Variants in ENPP2 observed in about 807,000 individuals in gnomAD.
ENPP2 encodes the protein ectonucleotide pyrophosphatase/phosphodiesterase 2.
ENPP2 carries 51 observed loss-of-function variants against 120.2 expected under a neutral mutation model. That is an observed-to-expected ratio of 0.42 (90% CI 0.34 to 0.54). The LOEUF (loss-of-function observed/expected upper bound fraction) is 0.54. Ranked by LOEUF, ENPP2 falls within the 20% of genes least tolerant of loss-of-function variation. The pLI, the probability that ENPP2 is intolerant of heterozygous loss-of-function variation, is 0.04. For synonymous variants in ENPP2, 365 were observed against 366.4 expected (o/e 1.00, Z 0.04); for missense variants, 920 against 1,066.5 (o/e 0.86, Z 1.91).
intron 1 of ENPP2, among the ~76,000 whole-genome samples, chr8:119,647,697 A>G (rs1299183785): frequency 6.6e-6 from 1 of 152,184 alleles, no homozygotes; most frequent in African/African-American, 2.4e-5. Flanking sequence ...GCAATGTGCT[A>G]TAGAGAATAA....
intron 9 of ENPP2, among the ~76,000 whole-genome samples, chr8:119,604,182 C>T (rs188549610): frequency 1.9e-3 from 290 of 152,170 alleles, no homozygotes; most frequent in Middle Eastern, 3.4e-3. Flanking sequence ...TGCCTGCCAC[C>T]ACGCCTGGCT....
intron 1 of ENPP2, among the ~76,000 whole-genome samples, chr8:119,665,686 CTAA>C (rs1285412658): frequency 1.3e-5 from 2 of 152,044 alleles, no homozygotes; most frequent in African/African-American, 4.8e-5. Flanking sequence ...ATTTATAGGA[CTAA>C]TAAGTATATA....
At chr8:119,567,833 C>A (rs1231577400) in intron 22 of ENPP2, among the ~76,000 whole-genome samples, 1 of 152,152 alleles carries the variant, frequency 6.6e-6, no homozygotes, top group African/African-American at 2.4e-5. Flanking sequence ...ATAAAAATAA[C>A]AACCATATTA....
chr8:119,583,654 G>C (rs182023689), intron 17 of ENPP2, 63 bp downstream of exon 17: 1 of 909,116 alleles, frequency 1.1e-6, no homozygotes, highest in East Asian at 2.5e-5. Flanking sequence ...CTCTGACATT[G>C]AGAAAGATCA....
At chr8:119,661,093 A>T (rs189264894) in intron 1 of ENPP2, among the ~76,000 whole-genome samples, 19 of 151,694 alleles carry the variant, frequency 1.3e-4, no homozygotes, top group African/African-American at 4.4e-4. Flanking sequence ...GCATGTTCTC[A>T]CTCCTAAATG....
At chr8:119,673,184 A>T in intron 1 of ENPP2, 1 of 1,357,586 alleles carries the variant, frequency 7.4e-7, no homozygotes, top group Non-Finnish European at 1.0e-6. Context: ...TTTCTGCTTG[A>T]CAGAATGGCA....
At chr8:119,573,447 G>A (rs1356094794) in intron 19 of ENPP2, among the ~76,000 whole-genome samples, 3 of 147,088 alleles carry the variant, frequency 2.0e-5, no homozygotes, top group African/African-American at 5.3e-5. Context: ...CTCCTGAAAG[G>A]TTTCCTCAAT....
chr8:119,620,994 T>C (rs951019068), intron 4 of ENPP2, among the ~76,000 whole-genome samples: 4 of 152,164 alleles, frequency 2.6e-5, no homozygotes, highest in African/African-American at 9.7e-5. Context: ...ATGTCCTCAC[T>C]TGTCTCTCCA....
chr8:119,601,437 A>G lies in ENPP2; in HGVS notation c.859T>C (p.Leu287=). The G allele has an allele frequency of 6.2e-7, 1 of 1,613,176 alleles. No homozygotes were observed. The highest frequency in any genetic ancestry group is 2.2e-5 in the East Asian group (1 of 44,860). ...AGGGTGAGCCACTGCAATATGGTTA[A>G]TATTCTCCGCTCGTGAGGGATGACA... is the stretch of plus-strand genomic sequence containing the variant. ...SVVIPHERRI[L]TILQWLTLPD... Residue 287 remains leucine (L), a synonymous_variant, in exon 10 of 25, where the codon TTA becomes CTA. Coordinates refer to ENST00000075322, the MANE Select transcript of ENPP2 (RefSeq NM_001040092.3).
At chr8:119,670,081 G>T (rs750321828) in intron 1 of ENPP2, among the ~76,000 whole-genome samples, 128 of 152,146 alleles carry the variant, frequency 8.4e-4, no homozygotes, top group Non-Finnish European at 1.6e-3. Context: ...CCCATGCCAG[G>T]TTCCAGGCTA....
intron 1 of ENPP2, among the ~76,000 whole-genome samples, chr8:119,662,438 G>A (rs1404966057): frequency 6.6e-6 from 1 of 152,068 alleles, no homozygotes; most frequent in Non-Finnish European, 1.5e-5. Context: ...GCACTACCTG[G>A]GAACTAGTTC....
At chr8:119,611,306 C>G in intron 8 of ENPP2, among the ~76,000 whole-genome samples, 1 of 152,192 alleles carries the variant, frequency 6.6e-6, no homozygotes, top group African/African-American at 2.4e-5. Context: ...CCTTTGCACT[C>G]GAAAGCATTG....
chr8:119,567,254 A>G (rs1432273040), intron 22 of ENPP2, among the ~76,000 whole-genome samples: 1 of 152,216 alleles, frequency 6.6e-6, no homozygotes. Context: ...ATGGATAGAT[A>G]AAAGGATGGA....
Position 119,610,683 on chromosome 8 carries a change from G to A in ENPP2, c.778-2706C>T, listed in dbSNP as rs562540444. On this transcript the variant is annotated intron_variant, in intron 8 of 24. Transcript: ENST00000075322. ...TTTGGGAGGCCGAAGAGGGTGGATCGCCTGAGGTCAGGAGTTCGAGACCAG... is the reference window on the plus strand; with the variant it reads ...TTTGGGAGGCCGAAGAGGGTGGATCACCTGAGGTCAGGAGTTCGAGACCAG... Among the ~76,000 whole-genome samples, 6 of 151,832 alleles carry A rather than the reference G, an allele frequency of 4.0e-5. No homozygotes were observed. The South Asian group carries it at 1.0e-3, about 26-fold the overall frequency.
chr8:119,590,809 T>C (rs894136342), intron 12 of ENPP2, among the ~76,000 whole-genome samples, 179 bp from the exon 13 acceptor site: 13 of 152,096 alleles, frequency 8.5e-5, no homozygotes, highest in African/African-American at 3.1e-4. Flanking sequence ...CTCTGTATAA[T>C]CTTTTCTCTA....
chr8:119,669,190 C>A (rs1160158577), intron 1 of ENPP2, among the ~76,000 whole-genome samples: 1 of 152,158 alleles, frequency 6.6e-6, no homozygotes, highest in Non-Finnish European at 1.5e-5. Flanking sequence ...ATTCACATGT[C>A]AATCCATCTG....
rs774437303 is a variant in ENPP2, at chr8:119,617,555, C to A, written c.488G>T (p.Arg163Leu). 1 of 1,610,712 alleles carries A rather than the reference C, an allele frequency of 6.2e-7. No homozygotes were observed. Among genetic ancestry groups the A allele is most frequent in the Admixed American group, 1.7e-5 (1 of 59,974 alleles). Residue 163 changes from arginine (R) to leucine (L), a missense_variant, in exon 6 of 25, where the codon CGC (arginine) becomes CTC (leucine). By Grantham distance (102) the Arg-to-Leu change is moderately radical (BLOSUM62 -2). Coordinates refer to ENST00000075322, the MANE Select transcript of ENPP2 (RefSeq NM_001040092.3). ...KAAECPAGFV[R>L]PPLIIFSVDG... ...CACGGAGAAGATGATTAATGGAGGGCGAACAAACCTTAAACAGTAACACAT... is the reference window on the plus strand; with the variant it reads ...CACGGAGAAGATGATTAATGGAGGGAGAACAAACCTTAAACAGTAACACAT...
intron 19 of ENPP2, chr8:119,572,901 A>C (rs1257559581): frequency 6.6e-6 from 1 of 152,420 alleles, no homozygotes; most frequent in Non-Finnish European, 1.5e-5. Flanking sequence ...AATACTGGAA[A>C]TGGAGTGAAG....
intron 19 of ENPP2, chr8:119,572,766 G>A (rs1815110946): frequency 6.5e-6 from 1 of 154,832 alleles, no homozygotes; most frequent in African/African-American, 2.4e-5. Context: ...TTAAGATAGA[G>A]CTCTTACCCT....
Sources: gnomAD v4.1 joint callset for allele counts (sites outside exome capture counted in the v4.1 genomes callset) on GRCh38, gnomAD v4.1.1 for gene constraint, MANE v1.5 for transcripts, NCBI Gene and HGNC (gene_info 2026-07-23, HGNC 2026-07-21) for gene names.